The following COX10 variants were observed in gnomAD, a reference collection of about 807,000 sequenced individuals.
COX10 encodes the protein protoheme IX farnesyltransferase, mitochondrial.
A neutral mutation model predicts 37.3 loss-of-function variants in COX10; 27 were observed. The observed-to-expected ratio is 0.72, with a 90% CI of 0.53 to 1.00. The LOEUF is 1.00. Ranked by LOEUF, COX10 falls within the 50% of genes least tolerant of loss-of-function variation. The pLI, the probability that COX10 is intolerant of heterozygous loss-of-function variation, is 0.00. For missense variants in COX10, 475 were observed against 563.2 expected (o/e 0.84, Z 1.59); for synonymous variants, 222 against 229.1 (o/e 0.97, Z 0.28).
intron 5 of COX10, among the ~76,000 whole-genome samples, chr17:14,184,010 A>T (rs1905950004): frequency 6.6e-6 from 1 of 152,242 alleles, no homozygotes; most frequent in African/African-American, 2.4e-5. Flanking sequence ...TTTAACAAGC[A>T]CTTTTTAAGT....
chr17:14,096,983 G>A (rs1390001897), intron 3 of COX10, among the ~76,000 whole-genome samples: 1 of 152,064 alleles, frequency 6.6e-6, no homozygotes, highest in Non-Finnish European at 1.5e-5. Flanking sequence ...GTGCCTCTGG[G>A]CCCATATTAG....
chr17:14,118,965 T>G (rs1916172067), intron 4 of COX10, among the ~76,000 whole-genome samples: 1 of 152,108 alleles, frequency 6.6e-6, no homozygotes, highest in African/African-American at 2.4e-5. Context: ...TTTCAAAACT[T>G]GCTTTTGTTT....
intron 4 of COX10, among the ~76,000 whole-genome samples, chr17:14,137,496 T>A (rs1390169783): frequency 6.6e-6 from 1 of 151,896 alleles, no homozygotes; most frequent in Non-Finnish European, 1.5e-5. Context: ...CCAGTCATTC[T>A]TTTTTTAGAA....
chr17:14,177,267 A>G, intron 5 of COX10: 3 of 726,902 alleles, frequency 4.1e-6, no homozygotes, highest in Non-Finnish European at 2.5e-6. Flanking sequence ...GAGTGTGCCA[A>G]GCATTTACTT....
At chr17:14,113,407 A>G (rs1041971776) in intron 4 of COX10, among the ~76,000 whole-genome samples, 11 of 152,116 alleles carry the variant, frequency 7.2e-5, no homozygotes, top group African/African-American at 2.2e-4. Flanking sequence ...TTGTCTTTGA[A>G]GTAGGACATA....
intron 3 of COX10, 51 bp from the exon 4 acceptor site, chr17:14,102,067 A>G: frequency 6.2e-7 from 1 of 1,612,984 alleles, no homozygotes. Context: ...TGGCCTTTAC[A>G]GTTGGGACTC....
At chr17:14,134,587 G>A (rs2142221504) in intron 4 of COX10, among the ~76,000 whole-genome samples, 1 of 151,882 alleles carries the variant, frequency 6.6e-6, no homozygotes, top group South Asian at 2.1e-4. Flanking sequence ...GGGACAGCAA[G>A]CACATAAAAG....
At chr17:14,101,433 C>T (rs1915778707) in intron 3 of COX10, among the ~76,000 whole-genome samples, 1 of 152,148 alleles carries the variant, frequency 6.6e-6, no homozygotes, top group Non-Finnish European at 1.5e-5. Flanking sequence ...ATATCAGCAC[C>T]ACTCTTGGAC....
At chr17:14,194,412 A>C (rs1028250925) in intron 6 of COX10, among the ~76,000 whole-genome samples, 3 of 152,236 alleles carry the variant, frequency 2.0e-5, no homozygotes, top group Non-Finnish European at 4.4e-5. Context: ...CTAAACTGCT[A>C]ATAGTCATGT....
At chr17:14,128,017 A>C (rs1373309662) in intron 4 of COX10, among the ~76,000 whole-genome samples, 1 of 150,990 alleles carries the variant, frequency 6.6e-6, no homozygotes, top group Non-Finnish European at 1.5e-5. Flanking sequence ...CAGTACCTCA[A>C]ATTTGTTGCA....
At chr17:14,149,802 C>A (rs1385911595) in intron 4 of COX10, among the ~76,000 whole-genome samples, 1 of 152,054 alleles carries the variant, frequency 6.6e-6, no homozygotes, top group Non-Finnish European at 1.5e-5. Flanking sequence ...CTGTTATAAG[C>A]AATAATAAAG....
At chr17:14,078,410 CTTG>C (rs1252737205) in intron 3 of COX10, among the ~76,000 whole-genome samples, 1 of 152,216 alleles carries the variant, frequency 6.6e-6, no homozygotes, top group Non-Finnish European at 1.5e-5. Context: ...GCTCTCGTCT[CTTG>C]TTGTCCCATT....
chr17:14,172,578 CTTTTTTTTTTT>C lies in COX10; in HGVS notation c.695+12641_695+12651del, dbSNP rs57560461. Among the ~76,000 whole-genome samples, 74 of 105,630 alleles carry C rather than the reference CTTTTTTTTTTT, an allele frequency of 7.0e-4. No homozygotes were observed. In the Middle Eastern group the frequency reaches 0.016, roughly 23 times the overall value. The allele number at this position is 105,630 out of a possible 152,430, so 69.3% of individuals were successfully genotyped here. ...TCGTATGTCTTCTTTTTTTCTTTTT[CTTTTTTTTTTT>C]TTTTTTTTTGAGACAGGTCTTGCTC... On this transcript the variant is annotated intron_variant, in intron 5 of 6. Transcript: ENST00000261643.
intron 6 of COX10, among the ~76,000 whole-genome samples, chr17:14,197,389 A>G (rs1906397597): frequency 6.6e-6 from 1 of 152,212 alleles, no homozygotes; most frequent in South Asian, 2.1e-4. Context: ...CAAAGACATA[A>G]AACATAAAAT....
chr17:14,136,659 T>A (rs896759326), intron 4 of COX10, among the ~76,000 whole-genome samples: 8 of 152,002 alleles, frequency 5.3e-5, no homozygotes, highest in South Asian at 2.1e-4. Flanking sequence ...GGTTTTTTTT[T>A]AAATCATCTT....
intron 4 of COX10, among the ~76,000 whole-genome samples, chr17:14,122,349 C>T (rs548533829): frequency 6.6e-6 from 1 of 152,106 alleles, no homozygotes; most frequent in Non-Finnish European, 1.5e-5. Flanking sequence ...GCAAAATCTT[C>T]AATGTGCTCT....
rs925442185 is a variant in COX10 at position 14,130,328 on chromosome 17, C to T, written c.624+28086C>T. On this transcript the variant is annotated intron_variant, in intron 4 of 6. Transcript: ENST00000261643. ...TCTGAGTAATGTCTATCAATGATTACAAGATTTGAAGCCCATCACTGCCTC... is the reference window on the plus strand; with the variant it reads ...TCTGAGTAATGTCTATCAATGATTATAAGATTTGAAGCCCATCACTGCCTC... Among the ~76,000 whole-genome samples, 15 of 152,220 alleles carry T rather than the reference C, an allele frequency of 9.9e-5. No homozygotes were observed. The East Asian group carries it at 2.5e-3, about 25-fold the overall frequency.
At chr17:14,154,416 A>G (rs1280515546) in intron 4 of COX10, among the ~76,000 whole-genome samples, 8 of 152,174 alleles carry the variant, frequency 5.3e-5, no homozygotes, top group Admixed American at 2.6e-4. Context: ...TTGACCTGCT[A>G]TTTTTTAAAT....
chr17:14,114,176 T>C (rs1916063581), intron 4 of COX10, among the ~76,000 whole-genome samples: 1 of 152,134 alleles, frequency 6.6e-6, no homozygotes, highest in South Asian at 2.1e-4. Context: ...AGTTATCCCA[T>C]TTTTTCCTGC....
Sources: allele counts gnomAD v4.1 joint callset (sites outside exome capture counted in the v4.1 genomes callset), GRCh38; gene constraint gnomAD v4.1.1; transcripts MANE v1.5; gene names NCBI Gene and HGNC (gene_info 2026-07-23, HGNC 2026-07-21).